ZBED2: variants seen among roughly 807,000 people sequenced by gnomAD.
The protein encoded by ZBED2 is zinc finger BED domain-containing protein 2.
For missense variants in ZBED2, 285 were observed against 281.0 expected, an observed-to-expected ratio of 1.01 and a Z score of -0.10; for synonymous variants, 97 against 98.8, an observed-to-expected ratio of 0.98 and a Z score of 0.11.
rs746764792 is a variant in ZBED2 at position 111,593,762 on chromosome 3, C to T, written c.440G>A (p.Gly147Asp). The change falls in exon 2 of 2, where the codon GGC becomes GAC. Residue 147 changes from glycine to aspartate, a missense_variant. Gly to Asp is a moderately conservative substitution (Grantham distance 94, BLOSUM62 -1). Coordinates refer to ENST00000317012, the MANE Select transcript of ZBED2 (RefSeq NM_024508.5). ...TTGGCTGGCCCACAAAGCCATGGTG[C>T]CCACCTGCTCCAGGAGCCTACCCCA... ...GNWGRLLEQV[G>D]TMALWASQRE... 22 of 1,614,118 alleles carry T rather than the reference C, an allele frequency of 1.4e-5. No individual in the cohort carries two copies. The highest frequency in any genetic ancestry group is 1.8e-5 in the Non-Finnish European group (21 of 1,180,050).
chr3:111,593,775 G>A lies in ZBED2; in HGVS notation c.427C>T (p.Leu143=), dbSNP rs770053365. The A allele has an allele frequency of 6.2e-7, 1 of 1,614,188 alleles. No homozygotes were observed. Residue 143 remains leucine (L), a synonymous_variant, in exon 2 of 2, where the codon CTG becomes TTG. Coordinates refer to ENST00000317012, the MANE Select transcript of ZBED2 (RefSeq NM_024508.5). ...TGIEGNWGRL[L]EQVGTMALWA... is the part of the protein sequence containing the mutation. ...AAAGCCATGGTGCCCACCTGCTCCA[G>A]GAGCCTACCCCAGTTACCCTCAATG...
At position 111,593,857 on chromosome 3, in the gene ZBED2, A is replaced by T. The variant is rs536565749; in HGVS notation, c.345T>A (p.His115Gln). ...GATCCTGGCGCTGCCCAGCCTGACC[A>T]TGGCCACTCTTCTCCAGCTCCTCTC... ...MHREELEKSG[H>Q]GQAGQRQDPR... is the part of the protein sequence containing the mutation. The change falls in exon 2 of 2, where the codon CAT (histidine) becomes CAA (glutamine). Residue 115 changes from histidine to glutamine, a missense_variant. His to Gln is a conservative substitution (Grantham distance 24). Coordinates refer to ENST00000317012, the MANE Select transcript of ZBED2 (RefSeq NM_024508.5). 308 of 1,613,882 alleles carry T rather than the reference A, an allele frequency of 1.9e-4. 2 individuals carry two copies. In the South Asian group the frequency reaches 2.2e-3, roughly 12 times the overall value.
At position 111,594,735 on chromosome 3, in the gene ZBED2, G is replaced by A. The variant is rs1180127847; in HGVS notation, c.-534C>T. 6.0e-6 allele frequency: 1 copy of A among 167,584 alleles called. No homozygotes were observed. Among genetic ancestry groups the A allele is most frequent in the Non-Finnish European group, 1.5e-5 (1 of 68,528 alleles). The allele number at this position is 167,584 out of a possible 1,614,324, so 10.4% of individuals were successfully genotyped here. A position where few individuals can be genotyped will look rare whatever the true frequency, so the allele number is the denominator to read the frequency against. ...GGACCAACAGAGCTAGGGCCTCACT[G>A]GGTCTTGCTCAAAGTAGGTAAAAGC... On this transcript the variant is annotated 5_prime_UTR_variant, in exon 2 of 2. Transcript: ENST00000317012.
rs1000296844 is a variant in ZBED2, at chr3:111,594,516, G to A, written c.-315C>T. The A allele has an allele frequency of 3.5e-6, 1 of 286,814 alleles. No homozygotes were observed. Among genetic ancestry groups the A allele is most frequent in the East Asian group, 6.5e-5 (1 of 15,344 alleles). 17.8% of individuals were successfully genotyped at this position (286,814 alleles called of 1,614,324 possible). A position where few individuals can be genotyped will look rare whatever the true frequency, so the allele number is the denominator to read the frequency against. On this transcript the variant is annotated 5_prime_UTR_variant, in exon 2 of 2. Transcript: ENST00000317012. ...AGTTCCTGTAGCAAAGGGGTTCTCT[G>A]GTCCAACAATTACAAAGCTCTTTGA...
In ZBED2 at chr3:111,594,042, A is replaced by G; in HGVS notation, c.160T>C (p.Phe54Leu). 1 of 1,614,144 alleles carries G rather than the reference A, an allele frequency of 6.2e-7. No individual in the cohort carries two copies. ...TPMPHNKGTR[F>L]SEAWEYFHLA... ...TGGAAATATTCCCATGCCTCAGAGAACCGGGTGCCCTTGTTGTGGGGCATT... is the reference window on the plus strand; with the variant it reads ...TGGAAATATTCCCATGCCTCAGAGAGCCGGGTGCCCTTGTTGTGGGGCATT... The change falls in exon 2 of 2, where the codon TTC becomes CTC. Residue 54 changes from phenylalanine (F) to leucine (L), a missense_variant. Physicochemically the swap from Phe to Leu is conservative, Grantham distance 22. Coordinates refer to ENST00000317012, the MANE Select transcript of ZBED2 (RefSeq NM_024508.5).
In ZBED2 at chr3:111,594,341, A is replaced by G; in HGVS notation, c.-140T>C. 9.6e-7 allele frequency: 1 copy of G among 1,046,402 alleles called. No homozygotes were observed. The highest frequency in any genetic ancestry group is 1.4e-6 in the Non-Finnish European group (1 of 729,048). 64.8% of individuals were successfully genotyped at this position (1,046,402 alleles called of 1,614,324 possible). On this transcript the variant is annotated 5_prime_UTR_variant, in exon 2 of 2. Coordinates refer to ENST00000317012, the MANE Select transcript of ZBED2 (RefSeq NM_024508.5). ...ACAATAATGGCCAAAGTCTGGCCAC[A>G]CCTGGGTGGTGTGAGGTTTCTTCCT...
Position 111,595,286 on chromosome 3 carries a change from A to G in ZBED2, c.-866+14T>C, listed in dbSNP as rs1279605223. On this transcript the variant is annotated intron_variant, in intron 1 of 1. Coordinates refer to ENST00000317012, the MANE Select transcript of ZBED2 (RefSeq NM_024508.5). Reference sequence around the variant, plus strand: ...CAGTTAGGAAATTCCCCCCAGCCACAAGTGGGTACTTACAAGCAGGCAAGG... The same window carrying G: ...CAGTTAGGAAATTCCCCCCAGCCACGAGTGGGTACTTACAAGCAGGCAAGG... 6.6e-6 allele frequency: 1 copy of G among 152,140 alleles called. No homozygotes were observed. The highest frequency in any genetic ancestry group is 2.4e-5 in the African/African-American group (1 of 41,420). The allele number at this position is 152,140 out of a possible 1,614,324, so 9.4% of individuals were successfully genotyped here. A position where few individuals can be genotyped will look rare whatever the true frequency, so the allele number is the denominator to read the frequency against.
In ZBED2 at chr3:111,594,258, T is replaced by C. The variant is rs1016748071; in HGVS notation, c.-57A>G. The C allele has an allele frequency of 8.6e-6, 13 of 1,509,378 alleles. No homozygotes were observed. The highest frequency in any genetic ancestry group is 1.2e-5 in the Non-Finnish European group (13 of 1,126,274). 93.5% of individuals were successfully genotyped at this position (1,509,378 alleles called of 1,614,324 possible). A position where few individuals can be genotyped will look rare whatever the true frequency, so the allele number is the denominator to read the frequency against. ...GCTTAGATGTGAGCCAAAAGCTTAT[T>C]TGAACCACAAGATTAAATATATATT... On this transcript the variant is annotated 5_prime_UTR_variant, in exon 2 of 2. Coordinates refer to ENST00000317012, the MANE Select transcript of ZBED2 (RefSeq NM_024508.5).
Position 111,594,416 on chromosome 3 carries a change from C to G in ZBED2, c.-215G>C, listed in dbSNP as rs1937158004. ...GTGAGTCAGATACAAGCAAAACAGC[C>G]CAAGAGTGCATTCCTTCCATGCCCC... On this transcript the variant is annotated 5_prime_UTR_variant, in exon 2 of 2. Coordinates refer to ENST00000317012, the MANE Select transcript of ZBED2 (RefSeq NM_024508.5). The G allele has an allele frequency of 3.9e-6, 2 of 513,264 alleles. No individual in the cohort carries two copies. The highest frequency in any genetic ancestry group is 3.5e-6 in the Non-Finnish European group (1 of 286,250). 31.8% of individuals were successfully genotyped at this position (513,264 alleles called of 1,614,324 possible).
rs1488435197 is a variant in ZBED2, at chr3:111,594,156, C to G, written c.46G>C (p.Ala16Pro). The G allele has an allele frequency of 6.2e-7, 1 of 1,611,668 alleles. No individual in the cohort carries two copies. The highest frequency in any genetic ancestry group is 8.5e-7 in the Non-Finnish European group (1 of 1,178,752). ...TCCTTCATCTCTAAGTCCCCTTTTG[C>G]CTTCATCATTGTTCCCTCCTCTTCC... ...DEEEEGTMMK[A>P]KGDLEMKEEE... Residue 16 changes from alanine to proline, a missense_variant, in exon 2 of 2, where the codon GCA becomes CCA. Physicochemically the swap from Ala to Pro is conservative, Grantham distance 27. Coordinates refer to ENST00000317012, the MANE Select transcript of ZBED2 (RefSeq NM_024508.5).
Position 111,594,189 on chromosome 3 carries a change from C to T in ZBED2, c.13G>A (p.Glu5Lys), listed in dbSNP as rs763203398. Reference sequence around the variant, plus strand: ...ATTGTTCCCTCCTCTTCCTCGTCTTCCCGCCTCATCATGTCACCTCTTCTA... The same window carrying T: ...ATTGTTCCCTCCTCTTCCTCGTCTTTCCGCCTCATCATGTCACCTCTTCTA... Reference protein sequence around the residue: MMRREDEEEEGTMMK... With the variant: MMRRKDEEEEGTMMK... Residue 5 changes from glutamate to lysine, a missense_variant, in exon 2 of 2, where the codon GAA (glutamate) becomes AAA (lysine). Coordinates refer to ENST00000317012, the MANE Select transcript of ZBED2 (RefSeq NM_024508.5). 4 of 1,594,130 alleles carry T rather than the reference C, an allele frequency of 2.5e-6. No homozygotes were observed. The South Asian group carries it at 4.6e-5, about 18-fold the overall frequency.
In ZBED2 at chr3:111,593,564, T is replaced by G. The variant is rs781203792; in HGVS notation, c.638A>C (p.His213Pro). Residue 213 changes from histidine (H) to proline (P), a missense_variant, in exon 2 of 2, where the codon CAT becomes CCT. By Grantham distance (77) the His-to-Pro change is moderately conservative (BLOSUM62 -2). Coordinates refer to ENST00000317012, the MANE Select transcript of ZBED2 (RefSeq NM_024508.5). ...CCCAATTTAAACAAAATGGAAGGGA[T>G]GTACTGCTGCAGGCAGCTCTTTCTC... ...QREKELPAAV[H>P]PFHFV 6.5e-7 allele frequency: 1 copy of G among 1,528,340 alleles called. No individual in the cohort carries two copies. The highest frequency in any genetic ancestry group is 8.8e-7 in the Non-Finnish European group (1 of 1,137,264). 94.7% of individuals were successfully genotyped at this position (1,528,340 alleles called of 1,614,324 possible).
Position 111,593,595 on chromosome 3 carries a change from G to A in ZBED2, c.607C>T (p.Gln203Ter), listed in dbSNP as rs200140607. ...GCTGCAGGCAGCTCTTTCTCCCGCT[G>A]GCATGCCTCCTTCTCAGCCCTCACC... Reference protein sequence around the residue: ...WKVRAEKEACQREKELPAAVH... With the variant: ...WKVRAEKEAC The change falls in exon 2 of 2, where the codon CAG (glutamine) becomes TAG (stop). Residue 203 changes from glutamine (Q) to a stop codon, truncating the protein, a stop_gained. Coordinates refer to ENST00000317012, the MANE Select transcript of ZBED2 (RefSeq NM_024508.5). LOFTEE classifies it low-confidence loss of function (END_TRUNC). 49 of 1,557,008 alleles carry A rather than the reference G, an allele frequency of 3.1e-5. No homozygotes were observed. Among genetic ancestry groups the A allele is most frequent in the African/African-American group, 2.7e-4 (20 of 73,316 alleles).
Position 111,593,309 on chromosome 3 carries a change from T to C in ZBED2, c.*236A>G. ...CAGAGTTTTACTTTGGTAGAAGCAT[T>C]TATCTTTAATAGGTACATTTTAGAG... On this transcript the variant is annotated 3_prime_UTR_variant, in exon 2 of 2. Transcript: ENST00000317012. 2.5e-6 allele frequency: 1 copy of C among 402,628 alleles called. No individual in the cohort carries two copies. Among genetic ancestry groups the C allele is most frequent in the Non-Finnish European group, 4.3e-6 (1 of 231,488 alleles). The allele number at this position is 402,628 out of a possible 1,614,324, so 24.9% of individuals were successfully genotyped here. A position where few individuals can be genotyped will look rare whatever the true frequency, so the allele number is the denominator to read the frequency against.
Position 111,594,003 on chromosome 3 carries a change from G to A in ZBED2, c.199C>T (p.Arg67Cys), listed in dbSNP as rs149742663. 109 of 1,614,088 alleles carry A rather than the reference G, an allele frequency of 6.8e-5. No homozygotes were observed. Among genetic ancestry groups the A allele is most frequent in the African/African-American group, 1.9e-4 (14 of 74,940 alleles). The change falls in exon 2 of 2, where the codon CGT becomes TGT. Residue 67 changes from arginine (R) to cysteine (C), a missense_variant. Transcript: ENST00000317012. ...TACTGGTTGGGATGGTGCCCAGCAC[G>A]AGCAGGAGCTAGGTGGAAATATTCC... ...AWEYFHLAPA[R>C]AGHHPNQYAT...
At position 111,593,877 on chromosome 3, in the gene ZBED2, C is replaced by T. The variant is rs771702222; in HGVS notation, c.325G>A (p.Glu109Lys). 1 of 1,613,780 alleles carries T rather than the reference C, an allele frequency of 6.2e-7. No individual in the cohort carries two copies. Among genetic ancestry groups the T allele is most frequent in the South Asian group, 1.1e-5 (1 of 91,090 alleles). Residue 109 changes from glutamate to lysine, a missense_variant, in exon 2 of 2, where the codon GAG (glutamate) becomes AAG (lysine). Physicochemically the swap from Glu to Lys is moderately conservative, Grantham distance 56. Transcript: ENST00000317012. Reference sequence around the variant, plus strand: ...TGACCATGGCCACTCTTCTCCAGCTCCTCTCTGTGCATGCTTTTCAGATGC... The same window carrying T: ...TGACCATGGCCACTCTTCTCCAGCTTCTCTCTGTGCATGCTTTTCAGATGC... The part of the protein sequence containing the change: ...WKHLKSMHRE[E>K]LEKSGHGQAG...
In ZBED2 at chr3:111,593,190, C is replaced by T. The variant is rs906075310; in HGVS notation, c.*355G>A. 7.3e-5 allele frequency: 13 copies of T among 177,030 alleles called. No homozygotes were observed. The highest frequency in any genetic ancestry group is 9.5e-5 in the Non-Finnish European group (8 of 83,952). The allele number at this position is 177,030 out of a possible 1,614,324, so 11.0% of individuals were successfully genotyped here. A position where few individuals can be genotyped will look rare whatever the true frequency, so the allele number is the denominator to read the frequency against. On this transcript the variant is annotated 3_prime_UTR_variant, in exon 2 of 2. Coordinates refer to ENST00000317012, the MANE Select transcript of ZBED2 (RefSeq NM_024508.5). ...CCTAACCAGCCTCAGCCCTCAAAAT[C>T]GTCAGCTCCACCAAAACCGAGTGCT...
rs913887787 is a variant in ZBED2 at position 111,594,490 on chromosome 3, C to T, written c.-289G>A. The T allele has an allele frequency of 5.2e-5, 18 of 344,892 alleles. No homozygotes were observed. The highest frequency in any genetic ancestry group is 3.8e-4 in the African/African-American group (18 of 47,788). 21.4% of individuals were successfully genotyped at this position (344,892 alleles called of 1,614,324 possible). A position where few individuals can be genotyped will look rare whatever the true frequency, so the allele number is the denominator to read the frequency against. The stretch of plus-strand genomic sequence containing the variant: ...ACTAGGCCAGAAAGACAAAACATAT[C>T]AGTTCCTGTAGCAAAGGGGTTCTCT... On this transcript the variant is annotated 5_prime_UTR_variant, in exon 2 of 2. Transcript: ENST00000317012.
Position 111,593,645 on chromosome 3 carries a change from C to T in ZBED2, c.557G>A (p.Arg186Lys). The T allele has an allele frequency of 6.2e-7, 1 of 1,605,460 alleles. No homozygotes were observed. The highest frequency in any genetic ancestry group is 8.5e-7 in the Non-Finnish European group (1 of 1,174,480). ...CTTCCACTTCATCTCCAGGATGGCC[C>T]TTTCCACCTCCTCCAGGGCTCGCTC... is the stretch of plus-strand genomic sequence containing the variant. The part of the protein sequence containing the change: ...KRERALEEVE[R>K]AILEMKWKVR... The change falls in exon 2 of 2, where the codon AGG becomes AAG. Residue 186 changes from arginine (R) to lysine (K), a missense_variant. Transcript: ENST00000317012.
Sources: allele counts gnomAD v4.1 joint callset, GRCh38; gene constraint gnomAD v4.1.1; transcripts MANE v1.5; gene names NCBI Gene and HGNC (gene_info 2026-07-23, HGNC 2026-07-21).